TTC24: variants seen among roughly 807,000 people sequenced by gnomAD.
TTC24 encodes tetratricopeptide repeat protein 24.
In TTC24, 54 loss-of-function variants were observed where a neutral mutation model predicts 63.3. That is an observed-to-expected ratio of 0.85 (90% CI 0.69 to 1.07). The LOEUF is 1.07. Ranked by LOEUF, TTC24 falls within the 50% of genes least tolerant of loss-of-function variation. The pLI, the probability that TTC24 is intolerant of heterozygous loss-of-function variation, is 0.00. For missense variants in TTC24, 680 were observed against 730.5 expected (o/e 0.93, Z 0.80); for synonymous variants, 276 against 304.3 (o/e 0.91, Z 0.97).
At position 156,586,903 on chromosome 1, in the gene TTC24, C is replaced by T. The variant is rs981125256; in HGVS notation, c.*353C>T. 6 of 201,430 alleles carry T rather than the reference C, an allele frequency of 3.0e-5. No individual in the cohort carries two copies. The highest frequency in any genetic ancestry group is 1.1e-4 in the East Asian group (1 of 8,888). The allele number at this position is 201,430 out of a possible 1,614,324, so 12.5% of individuals were successfully genotyped here. A position where few individuals can be genotyped will look rare whatever the true frequency, so the allele number is the denominator to read the frequency against. ...TTTGGAGTCACTGACTGTCTCCAGA[C>T]GTCCATTTTTGCACATGAGAAATGA... On this transcript the variant is annotated 3_prime_UTR_variant, in exon 11 of 11. Coordinates refer to ENST00000368236, the MANE Select transcript of TTC24 (RefSeq NM_001105669.4).
rs1677180168 is a variant in TTC24, at chr1:156,586,543, T to C, written c.1742T>C (p.Ile581Thr). Residue 581 changes from isoleucine to threonine, a missense_variant, in exon 11 of 11, where the codon ATT (isoleucine) becomes ACT (threonine). Physicochemically the swap from Ile to Thr is moderately conservative, Grantham distance 89 (BLOSUM62 -1). Coordinates refer to ENST00000368236, the MANE Select transcript of TTC24 (RefSeq NM_001105669.4). The part of the protein sequence containing the change: ...RRPMESGICT[I>T]V ...CCCATGGAGTCGGGCATCTGCACTA[T>C]TGTGTGACCTCCCCCTGCCAGCCTC... The C allele has an allele frequency of 2.5e-6, 4 of 1,613,026 alleles. No individual in the cohort carries two copies. The highest frequency in any genetic ancestry group is 3.4e-6 in the Non-Finnish European group (4 of 1,179,586).
intron 8 of TTC24, 95 bp from the exon 9 acceptor site, chr1:156,585,618 C>T: frequency 1.1e-6 from 1 of 897,356 alleles, no homozygotes; most frequent in African/African-American, 1.6e-5. Flanking sequence ...CAGCTCACTA[C>T]TCAATAGCAT....
At position 156,582,325 on chromosome 1, in the gene TTC24, G is replaced by T. The variant is rs1227471796; in HGVS notation, c.801G>T (p.Trp267Cys). 6.2e-7 allele frequency: 1 copy of T among 1,603,152 alleles called. No individual in the cohort carries two copies. The highest frequency in any genetic ancestry group is 1.1e-5 in the South Asian group (1 of 89,106). ...EAFLQALPLC[W>C]VPGEQATVLR... ...TCCTGCAGGCCCTGCCCCTGTGCTG[G>T]GTGCCAGGAGAGCAGGCCACAGTGC... Residue 267 changes from tryptophan (W) to cysteine (C), a missense_variant, in exon 3 of 11, where the codon TGG (tryptophan) becomes TGT (cysteine). Transcript: ENST00000368236.
At position 156,583,378 on chromosome 1, in the gene TTC24, G is replaced by A; in HGVS notation, c.1080G>A (p.Gly360=). 1 of 1,612,488 alleles carries A rather than the reference G, an allele frequency of 6.2e-7. No homozygotes were observed. Among genetic ancestry groups the A allele is most frequent in the Non-Finnish European group, 8.5e-7 (1 of 1,179,400 alleles). Residue 360 remains glycine (G), a synonymous_variant, in exon 5 of 11, where the codon GGG becomes GGA. Coordinates refer to ENST00000368236, the MANE Select transcript of TTC24 (RefSeq NM_001105669.4). This position sits in a 1 kb window ranked among gnomAD's most constrained non-coding sequence, Gnocchi z 4.0. ...AGTGGCAGGCCTGTGAGGGTCTGGG[G>A]GCTGCTGCAGCCAGGCTGGGGCAGT... ...KGQWQACEGL[G]AAAARLGQYD... is the part of the protein sequence containing the mutation.
Position 156,583,097 on chromosome 1 carries a change from A to T in TTC24, c.966A>T (p.Ala322=), listed in dbSNP as rs746790434. ...QGRSFGSLAF[A]LSQLGDHKAA... ...GGAGCTTTGGCAGCCTGGCCTTTGC[A>T]TTGAGCCAGCTGGGGGACCACAAGG... is the stretch of plus-strand genomic sequence containing the variant. The change falls in exon 4 of 11, where the codon GCA becomes GCT. Residue 322 remains alanine (A), a synonymous_variant. Transcript: ENST00000368236. The surrounding 1 kb of genome is among the most constrained non-coding windows in gnomAD (Gnocchi z 4.0). 1 of 1,613,730 alleles carries T rather than the reference A, an allele frequency of 6.2e-7. No individual in the cohort carries two copies. Among genetic ancestry groups the T allele is most frequent in the Admixed American group, 1.7e-5 (1 of 59,990 alleles).
rs763894623 is a variant in TTC24, at chr1:156,585,743, C to T, written c.1487C>T (p.Ser496Leu). ...LCFLPGTVNHSHHLASSCPTF... is the reference protein window; with the variant it reads ...LCFLPGTVNHLHHLASSCPTF... ...TTCCTTCCAGGCACAGTGAATCATTCGCACCATCTAGCTTCTAGTTGCCCC... is the reference window on the plus strand; with the variant it reads ...TTCCTTCCAGGCACAGTGAATCATTTGCACCATCTAGCTTCTAGTTGCCCC... The change falls in exon 9 of 11, where the codon TCG (serine) becomes TTG (leucine). Residue 496 changes from serine to leucine, a missense_variant. By Grantham distance (145) the Ser-to-Leu change is moderately radical. Coordinates refer to ENST00000368236, the MANE Select transcript of TTC24 (RefSeq NM_001105669.4). The T allele has an allele frequency of 1.4e-5, 22 of 1,613,806 alleles. No individual in the cohort carries two copies. The highest frequency in any genetic ancestry group is 4.0e-5 in the African/African-American group (3 of 74,914).
At chr1:156,586,411 T>C in intron 10 of TTC24, 58 bp from the exon 11 acceptor site, 1 of 1,452,182 alleles carries the variant, frequency 6.9e-7, no homozygotes, top group South Asian at 1.2e-5. Flanking sequence ...CAAGGCAGGC[T>C]GCCTCCTGCT....
In TTC24 at chr1:156,582,329, C is replaced by A. The variant is rs867057536; in HGVS notation, c.805C>A (p.Pro269Thr). The change falls in exon 3 of 11, where the codon CCA becomes ACA. Residue 269 changes from proline to threonine, a missense_variant. Physicochemically the swap from Pro to Thr is conservative, Grantham distance 38. Coordinates refer to ENST00000368236, the MANE Select transcript of TTC24 (RefSeq NM_001105669.4). ...GCAGGCCCTGCCCCTGTGCTGGGTG[C>A]CAGGAGAGCAGGCCACAGTGCTAAG... ...FLQALPLCWV[P>T]GEQATVLRNL... 6.2e-7 allele frequency: 1 copy of A among 1,604,656 alleles called. No individual in the cohort carries two copies. Among genetic ancestry groups the A allele is most frequent in the Admixed American group, 1.7e-5 (1 of 58,576 alleles).
chr1:156,584,128 GAAAT>G (rs1284544825), intron 6 of TTC24, among the ~76,000 whole-genome samples: 1 of 152,196 alleles, frequency 6.6e-6, no homozygotes, highest in Admixed American at 6.5e-5. Flanking sequence ...TAAAAATAAA[GAAAT>G]AAATTTAAAA....
At position 156,581,899 on chromosome 1, in the gene TTC24, G is replaced by A. The variant is rs1162229246; in HGVS notation, c.535G>A (p.Glu179Lys). The A allele has an allele frequency of 6.5e-7, 1 of 1,547,212 alleles. No homozygotes were observed. The highest frequency in any genetic ancestry group is 1.4e-5 in the African/African-American group (1 of 72,840). The stretch of plus-strand genomic sequence containing the variant: ...TGAGCTAGCAGCCCACTGCCTGCAG[G>A]AAGCAAGCCAGGCCTATGCTCAAGA... ...QPELAAHCLQEASQAYAQERQ... is the reference protein window; with the variant it reads ...QPELAAHCLQKASQAYAQERQ... Residue 179 changes from glutamate (E) to lysine (K), a missense_variant, in exon 2 of 11, where the codon GAA (glutamate) becomes AAA (lysine). Transcript: ENST00000368236.
chr1:156,583,897 T>C lies in TTC24; in HGVS notation c.1251+2T>C. ...GGGCTGGTCCAGACTCACACCCTGG[T>C]GAGATGACACCTGAGACAAGGAGAT... On this transcript the variant is annotated splice_donor_variant, in intron 6 of 10. Transcript: ENST00000368236. LOFTEE classifies it high-confidence loss of function. The surrounding 1 kb of genome is among the most constrained non-coding windows in gnomAD (Gnocchi z 4.0). 6.3e-7 allele frequency: 1 copy of C among 1,575,118 alleles called. No individual in the cohort carries two copies. The highest frequency in any genetic ancestry group is 8.6e-7 in the Non-Finnish European group (1 of 1,160,404).
chr1:156,586,424 C>T, intron 10 of TTC24, 45 bp from the exon 11 acceptor site: 1 of 1,541,010 alleles, frequency 6.5e-7, no homozygotes, highest in African/African-American at 1.5e-5. Context: ...CTCCTGCTGT[C>T]TCCCCAGTCA....
intron 10 of TTC24, 139 bp downstream of exon 10, chr1:156,586,184 G>A (rs1028542827): frequency 6.2e-5 from 45 of 721,120 alleles, no homozygotes; most frequent in Non-Finnish European, 8.9e-5. Context: ...ATAGGGCCCC[G>A]AGCCCCACTT....
At chr1:156,582,641 G>C (rs1186050556) in intron 3 of TTC24, among the ~76,000 whole-genome samples, 1 of 152,214 alleles carries the variant, frequency 6.6e-6, no homozygotes, top group Non-Finnish European at 1.5e-5. Flanking sequence ...AGGCCTCAGG[G>C]TTGGGAAGGC....
chr1:156,584,814 A>C, intron 6 of TTC24, 63 bp from the exon 7 acceptor site: 3 of 1,138,920 alleles, frequency 2.6e-6, no homozygotes. Context: ...TGGAGGGAGC[A>C]CACACGTAGC....
At chr1:156,584,463 G>A (rs1420093509) in intron 6 of TTC24, 2 of 169,928 alleles carry the variant, frequency 1.2e-5, no homozygotes, top group Non-Finnish European at 1.2e-5. Context: ...TATTTAATAG[G>A]TTTTATGCCC....
At chr1:156,586,415 T>G (rs1677173894) in intron 10 of TTC24, 54 bp from the exon 11 acceptor site, 3 of 1,487,700 alleles carry the variant, frequency 2.0e-6, no homozygotes, top group Non-Finnish European at 9.2e-7. Flanking sequence ...GCAGGCTGCC[T>G]CCTGCTGTCT....
intron 10 of TTC24, 66 bp downstream of exon 10, chr1:156,586,111 A>G: frequency 1.7e-6 from 2 of 1,155,130 alleles, no homozygotes; most frequent in Non-Finnish European, 1.3e-6. Flanking sequence ...GTGGCTTGGG[A>G]TGATTTTAAT....
intron 6 of TTC24, among the ~76,000 whole-genome samples, chr1:156,584,155 C>T (rs1677085018): frequency 6.6e-6 from 1 of 152,132 alleles, no homozygotes; most frequent in South Asian, 2.1e-4. Flanking sequence ...ATCGGTAGGC[C>T]ATGTGTGCAA....
Sources: allele counts gnomAD v4.1 joint callset (sites outside exome capture counted in the v4.1 genomes callset), GRCh38; gene constraint gnomAD v4.1.1; non-coding constraint Gnocchi (gnomAD v3.1); transcripts MANE v1.5; gene names NCBI Gene and HGNC (gene_info 2026-07-23, HGNC 2026-07-21).